EFR3B: variants seen among roughly 807,000 people sequenced by gnomAD.
EFR3B encodes the protein protein EFR3 homolog B.
A neutral mutation model predicts 104.7 loss-of-function variants in EFR3B; 64 were observed. The ratio of observed to expected loss-of-function variants is 0.61; its 90% CI spans 0.50 to 0.75. The LOEUF (loss-of-function observed/expected upper bound fraction) is 0.75, where lower values mean the gene tolerates loss of function less well. Ranked by LOEUF, EFR3B falls within the 30% of genes least tolerant of loss-of-function variation. EFR3B has a pLI of 0.00. For synonymous variants in EFR3B, 385 were observed against 417.9 expected, an observed-to-expected ratio of 0.92 and a Z score of 0.96; for missense variants, 750 against 1,078.5, an observed-to-expected ratio of 0.70 and a Z score of 4.27.
Position 25,139,011 on chromosome 2 carries a change from G to A in EFR3B, c.1723-48G>A, listed in dbSNP as rs1246506614. 4.5e-6 allele frequency: 7 copies of A among 1,550,538 alleles called. No individual in the cohort carries two copies. In the Admixed American group the frequency reaches 1.4e-4, roughly 30 times the overall value. On this transcript the variant is annotated intron_variant, in intron 15 of 22. Transcript: ENST00000403714. Reference sequence around the variant, plus strand: ...GTCGGGTGGAGCGTTGGCACCCAGTGTAGTCTGTCAGTGAAAAACTCCGGA... The same window carrying A: ...GTCGGGTGGAGCGTTGGCACCCAGTATAGTCTGTCAGTGAAAAACTCCGGA...
At chr2:25,081,179 CA>C (rs1396214659) in intron 1 of EFR3B, 1 of 747,850 alleles carries the variant, frequency 1.3e-6, no homozygotes, top group African/African-American at 1.7e-5. Context: ...GCTTGGTAAA[CA>C]ACTTTTTCCC....
chr2:25,147,747 G>A (rs35720317), intron 19 of EFR3B: 5,341 of 152,260 alleles, frequency 0.035, 143 homozygotes, highest in Non-Finnish European at 0.053. Flanking sequence ...GAGGCTGGGC[G>A]TGGTGGCTCA....
In EFR3B at chr2:25,042,394, C is replaced by A; in HGVS notation, c.7+75C>A. 1 of 1,230,210 alleles carries A rather than the reference C, an allele frequency of 8.1e-7. No individual in the cohort carries two copies. Among genetic ancestry groups the A allele is most frequent in the Non-Finnish European group, 1.0e-6 (1 of 985,394 alleles). 76.2% of individuals were successfully genotyped at this position (1,230,210 alleles called of 1,614,324 possible). On this transcript the variant is annotated intron_variant, in intron 1 of 22. Coordinates refer to ENST00000403714, the MANE Select transcript of EFR3B (RefSeq NM_014971.2). This position sits in a 1 kb window ranked among gnomAD's most constrained non-coding sequence, Gnocchi z 5.4. ...AACTTCCCCGGCGCGGACCATTGTC[C>A]CCCTGCACGGCCCTGGCGCGGGGCC...
Position 25,154,511 on chromosome 2 carries a change from C to G in EFR3B, c.*171C>G. The G allele has an allele frequency of 1.7e-6, 1 of 598,098 alleles. No homozygotes were observed. Among genetic ancestry groups the G allele is most frequent in the Non-Finnish European group, 2.9e-6 (1 of 342,468 alleles). The allele number at this position is 598,098 out of a possible 1,614,324, so 37.0% of individuals were successfully genotyped here. A position where few individuals can be genotyped will look rare whatever the true frequency, so the allele number is the denominator to read the frequency against. ...GACTCTCTGGTCCTTCTTGGCCCTC[C>G]TACCTCCTCCTCGTCTTCCCTGAGG... On this transcript the variant is annotated 3_prime_UTR_variant, in exon 23 of 23. Transcript: ENST00000403714. This position sits in a 1 kb window ranked among gnomAD's most constrained non-coding sequence, Gnocchi z 4.1.
At chr2:25,081,470 C>A (rs961606878) in intron 1 of EFR3B, 8 of 1,443,268 alleles carry the variant, frequency 5.5e-6, no homozygotes, top group Non-Finnish European at 7.7e-6. Flanking sequence ...GCCACATATC[C>A]TTTGGAAACG....
intron 15 of EFR3B, among the ~76,000 whole-genome samples, chr2:25,138,033 G>A (rs1405955760): frequency 7.9e-5 from 12 of 152,246 alleles, no homozygotes; most frequent in South Asian, 4.1e-4. Flanking sequence ...TTAGCCGGAC[G>A]TGGTGGTGCA....
chr2:25,045,770 C>T (rs1180676475), intron 1 of EFR3B, among the ~76,000 whole-genome samples: 1 of 150,582 alleles, frequency 6.6e-6, no homozygotes, highest in Non-Finnish European at 1.5e-5. Flanking sequence ...GAGACAAGAG[C>T]GAGACTCCAT....
chr2:25,058,351 A>G (rs1484607666), intron 1 of EFR3B: 7 of 152,120 alleles, frequency 4.6e-5, no homozygotes, highest in African/African-American at 1.7e-4. Context: ...AGTGGCCAAG[A>G]AGCATATGAA....
chr2:25,108,492 A>G (rs1265942243), intron 4 of EFR3B, among the ~76,000 whole-genome samples: 1 of 152,200 alleles, frequency 6.6e-6, no homozygotes, highest in Non-Finnish European at 1.5e-5. Flanking sequence ...CATAGATTGA[A>G]AGTTTATACT....
chr2:25,088,650 TC>T (rs1447326493), intron 1 of EFR3B, among the ~76,000 whole-genome samples: 1 of 152,118 alleles, frequency 6.6e-6, no homozygotes, highest in African/African-American at 2.4e-5. Flanking sequence ...CTGGACTGGC[TC>T]TGGTCTTCTA....
At chr2:25,144,393 G>A (rs1395596447) in intron 18 of EFR3B, among the ~76,000 whole-genome samples, 2 of 151,524 alleles carry the variant, frequency 1.3e-5, no homozygotes, top group Non-Finnish European at 3.0e-5. Context: ...AAATACAAAA[G>A]ATTAGCTGCA....
chr2:25,126,009 GGATTT>G (rs1670158213), intron 5 of EFR3B, among the ~76,000 whole-genome samples: 1 of 152,184 alleles, frequency 6.6e-6, no homozygotes, highest in Admixed American at 6.5e-5. Flanking sequence ...AATCACAAAA[GGATTT>G]GAATTGAAAT....
At chr2:25,134,023 G>C (rs2149206811) in intron 12 of EFR3B, among the ~76,000 whole-genome samples, 1 of 152,256 alleles carries the variant, frequency 6.6e-6, no homozygotes, top group East Asian at 1.9e-4. Flanking sequence ...TTTGTAACAA[G>C]TTCCCCAGGT....
intron 1 of EFR3B, among the ~76,000 whole-genome samples, chr2:25,058,683 C>T (rs1668090577): frequency 6.6e-6 from 1 of 151,628 alleles, no homozygotes; most frequent in South Asian, 2.1e-4. Context: ...TGCTTGAACC[C>T]TGGAGGGGGA....
chr2:25,128,032 G>T, intron 5 of EFR3B, 151 bp from the exon 6 acceptor site: 2 of 813,816 alleles, frequency 2.5e-6, no homozygotes, highest in Non-Finnish European at 1.9e-6. Context: ...AGCACCAGGA[G>T]GTCTCATGAG....
At chr2:25,071,218 C>G (rs1376334902) in intron 1 of EFR3B, among the ~76,000 whole-genome samples, 1 of 150,676 alleles carries the variant, frequency 6.6e-6, no homozygotes, top group Admixed American at 6.6e-5. Context: ...CCTTGGCCTC[C>G]CAAAGTGCTG....
Position 25,130,424 on chromosome 2 carries a change from C to A in EFR3B, c.771-128C>A. 1 of 901,056 alleles carries A rather than the reference C, an allele frequency of 1.1e-6. No homozygotes were observed. The highest frequency in any genetic ancestry group is 1.8e-6 in the Non-Finnish European group (1 of 562,156). The allele number at this position is 901,056 out of a possible 1,614,324, so 55.8% of individuals were successfully genotyped here. On this transcript the variant is annotated intron_variant, in intron 7 of 22. Coordinates refer to ENST00000403714, the MANE Select transcript of EFR3B (RefSeq NM_014971.2). The surrounding 1 kb of genome is among the most constrained non-coding windows in gnomAD (Gnocchi z 4.6). ...TGGGACTACCCCAAGGCCCTTCAGGCTTCACTTCCTCACCCGGGAACTGTG... is the reference window on the plus strand; with the variant it reads ...TGGGACTACCCCAAGGCCCTTCAGGATTCACTTCCTCACCCGGGAACTGTG...
At chr2:25,055,413 C>T (rs1267742925) in intron 1 of EFR3B, among the ~76,000 whole-genome samples, 3 of 152,142 alleles carry the variant, frequency 2.0e-5, no homozygotes, top group Non-Finnish European at 2.9e-5. Context: ...ATAGTATGTC[C>T]TTTATCCTGA....
chr2:25,081,284 A>C, intron 1 of EFR3B: 1 of 1,030,484 alleles, frequency 9.7e-7, no homozygotes, highest in Non-Finnish European at 1.5e-6. Flanking sequence ...CTTTTCCTCG[A>C]CCATCAGCTG....
Sources: gnomAD v4.1 joint callset for allele counts (sites outside exome capture counted in the v4.1 genomes callset) on GRCh38, gnomAD v4.1.1 for gene constraint, Gnocchi (gnomAD v3.1) non-coding constraint, MANE v1.5 for transcripts, NCBI Gene and HGNC (gene_info 2026-07-23, HGNC 2026-07-21) for gene names.